Variants in EEF2K observed in about 807,000 individuals in gnomAD.
EEF2K encodes alternative protein EEF2K.
A neutral mutation model predicts 93.8 loss-of-function variants in EEF2K; 70 were observed. That is an observed-to-expected ratio of 0.75 (90% CI 0.62 to 0.91). EEF2K has a LOEUF of 0.91. Among genes scored for constraint, EEF2K ranks in the 40% least tolerant of loss-of-function variants. EEF2K has a pLI of 0.00. For synonymous variants in EEF2K, 376 were observed against 380.8 expected (o/e 0.99, Z 0.15); for missense variants, 935 against 972.9 (o/e 0.96, Z 0.52).
intron 5 of EEF2K, 108 bp from the exon 6 acceptor site, chr16:22,251,043 C>T: frequency 7.1e-7 from 1 of 1,404,402 alleles, no homozygotes; most frequent in Admixed American, 2.2e-5. Flanking sequence ...TTCCTGCTGC[C>T]AGCCACCCAG....
intron 2 of EEF2K, among the ~76,000 whole-genome samples, chr16:22,230,077 C>A (rs533001476): frequency 1.6e-4 from 25 of 152,320 alleles, no homozygotes; most frequent in African/African-American, 5.8e-4. Context: ...ATCCTGTTTC[C>A]TGTCCTAAGG....
intron 2 of EEF2K, among the ~76,000 whole-genome samples, chr16:22,243,496 C>T (rs1360517130): frequency 6.6e-6 from 1 of 151,756 alleles, no homozygotes; most frequent in Non-Finnish European, 1.5e-5. Flanking sequence ...AGGTAAACCA[C>T]CTGCCTCGGC....
chr16:22,224,038 CT>C (rs1243603867), intron 1 of EEF2K, among the ~76,000 whole-genome samples: 4 of 151,792 alleles, frequency 2.6e-5, no homozygotes, highest in Non-Finnish European at 5.9e-5. Context: ...GAAACCCCGT[CT>C]CTACTAAAAA....
intron 2 of EEF2K, among the ~76,000 whole-genome samples, chr16:22,234,178 C>T (rs1390830804): frequency 1.3e-5 from 2 of 152,176 alleles, no homozygotes; most frequent in Admixed American, 1.3e-4. Context: ...GAGGTTACAC[C>T]ATCGTGTGTG....
intron 13 of EEF2K, 129 bp from the exon 14 acceptor site, chr16:22,266,261 C>T: frequency 7.6e-7 from 1 of 1,313,794 alleles, no homozygotes; most frequent in South Asian, 1.6e-5. Flanking sequence ...TGCCAATAAA[C>T]TTTGACATCG....
intron 2 of EEF2K, among the ~76,000 whole-genome samples, chr16:22,235,983 T>G (rs1205685202): frequency 6.6e-6 from 1 of 151,886 alleles, no homozygotes; most frequent in Non-Finnish European, 1.5e-5. Flanking sequence ...TTTTTTTTTT[T>G]GTAGAAATGG....
intron 12 of EEF2K, 105 bp from the exon 13 acceptor site, chr16:22,264,713 G>T: frequency 1.5e-6 from 2 of 1,310,356 alleles, no homozygotes; most frequent in Non-Finnish European, 2.1e-6. Context: ...GGTCACCTAG[G>T]AGGGCCAGGC....
chr16:22,261,707 A>C (rs2047464680), intron 11 of EEF2K, among the ~76,000 whole-genome samples: 1 of 151,276 alleles, frequency 6.6e-6, no homozygotes, highest in Non-Finnish European at 1.5e-5. Flanking sequence ...AAAAAAAAGA[A>C]ATACTTCTTA....
At chr16:22,236,360 G>A (rs1481495144) in intron 2 of EEF2K, among the ~76,000 whole-genome samples, 4 of 141,648 alleles carry the variant, frequency 2.8e-5, no homozygotes, top group African/African-American at 1.1e-4. Context: ...TTTTTGCCTC[G>A]ACTTCCCAGG....
intron 15 of EEF2K, among the ~76,000 whole-genome samples, chr16:22,267,452 G>A (rs8057894): frequency 0.071 from 10,840 of 152,066 alleles, 1,263 homozygotes; most frequent in African/African-American, 0.25. Flanking sequence ...AAAGTTAGCC[G>A]GACGTGGTGG....
rs1487943237 is a variant in EEF2K at position 22,266,536 on chromosome 16, G to A, written c.1575+12G>A. The stretch of plus-strand genomic sequence containing the variant: ...CCATTTTGGGGAAGGTATCGGCGAT[G>A]CCCATTTTGGAGCCCTGTCTGCACT... On this transcript the variant is annotated intron_variant, in intron 14 of 17. Transcript: ENST00000263026. 1.9e-6 allele frequency: 3 copies of A among 1,613,692 alleles called. No homozygotes were observed. Among genetic ancestry groups the A allele is most frequent in the East Asian group, 2.2e-5 (1 of 44,898 alleles).
intron 11 of EEF2K, among the ~76,000 whole-genome samples, chr16:22,261,710 ACTT>A (rs2047464702): frequency 6.6e-6 from 1 of 151,060 alleles, no homozygotes; most frequent in East Asian, 1.9e-4. Flanking sequence ...AAAAAGAAAT[ACTT>A]CTTAGTAGAG....
chr16:22,277,298 A>G (rs1178858836), intron 16 of EEF2K, among the ~76,000 whole-genome samples: 1 of 151,856 alleles, frequency 6.6e-6, no homozygotes. Context: ...CACCATACCC[A>G]ACTAACTTGT....
At chr16:22,283,395 A>C (rs1219299104) in intron 17 of EEF2K, among the ~76,000 whole-genome samples, 1 of 152,038 alleles carries the variant, frequency 6.6e-6, no homozygotes, top group Non-Finnish European at 1.5e-5. Flanking sequence ...AGCTCCAAAA[A>C]CCTGAAGTAT....
intron 12 of EEF2K, among the ~76,000 whole-genome samples, chr16:22,263,666 G>A (rs1391238907): frequency 1.3e-5 from 2 of 152,190 alleles, no homozygotes; most frequent in Non-Finnish European, 2.9e-5. Flanking sequence ...AGATAAAACA[G>A]GATCATGTGG....
intron 3 of EEF2K, among the ~76,000 whole-genome samples, chr16:22,248,400 G>A (rs1473007356): frequency 6.6e-6 from 1 of 152,096 alleles, no homozygotes; most frequent in Non-Finnish European, 1.5e-5. Flanking sequence ...ACTGGGTCCT[G>A]GTGACTAAGA....
At chr16:22,207,841 C>T (rs1221469488) in intron 1 of EEF2K, among the ~76,000 whole-genome samples, 1 of 152,002 alleles carries the variant, frequency 6.6e-6, no homozygotes, top group Non-Finnish European at 1.5e-5. Context: ...CTGAGAATGC[C>T]CACTGTGTGT....
At chr16:22,259,599 A>G (rs536324254) in intron 10 of EEF2K, among the ~76,000 whole-genome samples, 2 of 152,316 alleles carry the variant, frequency 1.3e-5, no homozygotes, top group Admixed American at 6.5e-5. Flanking sequence ...CTGTGTTCCA[A>G]TAAAACTCTA....
At chr16:22,275,322 A>AT (rs930070008) in intron 16 of EEF2K, among the ~76,000 whole-genome samples, 1 of 150,600 alleles carries the variant, frequency 6.6e-6, no homozygotes, top group African/African-American at 2.4e-5. Flanking sequence ...TTTTATTTTT[A>AT]TTTTTTAATT....
Sources: gnomAD v4.1 joint callset for allele counts (sites outside exome capture counted in the v4.1 genomes callset) on GRCh38, gnomAD v4.1.1 for gene constraint, MANE v1.5 for transcripts, NCBI Gene and HGNC (gene_info 2026-07-23, HGNC 2026-07-21) for gene names.